The following ARHGAP10 variants were observed in gnomAD, a reference collection of about 807,000 sequenced individuals.
ARHGAP10 encodes the protein Rho GTPase activating protein 10.
ARHGAP10 carries 87 observed loss-of-function variants against 108.6 expected under a neutral mutation model. That is an observed-to-expected ratio of 0.80 (90% CI 0.67 to 0.96). The LOEUF (loss-of-function observed/expected upper bound fraction) is 0.96. Ranked by LOEUF, ARHGAP10 falls within the 40% of genes least tolerant of loss-of-function variation. ARHGAP10 has a pLI of 0.00. For synonymous variants in ARHGAP10, 347 were observed against 341.1 expected (o/e 1.02, Z -0.19); for missense variants, 939 against 954.5 (o/e 0.98, Z 0.21).
chr4:147,974,162 T>C (rs1340420937), intron 18 of ARHGAP10, among the ~76,000 whole-genome samples: 2 of 152,178 alleles, frequency 1.3e-5, no homozygotes, highest in Admixed American at 1.3e-4. Context: ...ACAGGGGTTC[T>C]CTTTTCTCTA....
chr4:147,862,451 C>A (rs1310003187), intron 5 of ARHGAP10: 1 of 152,558 alleles, frequency 6.6e-6, no homozygotes, highest in Non-Finnish European at 1.5e-5. Context: ...GCCCTGATAA[C>A]TCTGTAGAAG....
At chr4:147,962,265 G>T (rs1739027384) in intron 16 of ARHGAP10, among the ~76,000 whole-genome samples, 2 of 152,194 alleles carry the variant, frequency 1.3e-5, no homozygotes, top group Admixed American at 1.3e-4. Context: ...CTGCTAGTCT[G>T]CTGCTAAAAC....
At chr4:147,845,371 G>T (rs755667583) in intron 3 of ARHGAP10, among the ~76,000 whole-genome samples, 1 of 152,208 alleles carries the variant, frequency 6.6e-6, no homozygotes, top group East Asian at 1.9e-4. Context: ...TTTCCACGAA[G>T]GCAGGGGGCT....
intron 18 of ARHGAP10, among the ~76,000 whole-genome samples, chr4:148,015,807 C>T (rs1246545357): frequency 1.3e-5 from 2 of 152,184 alleles, no homozygotes; most frequent in Non-Finnish European, 1.5e-5. Context: ...TAACTATGCT[C>T]TTTTAGAAAG....
chr4:147,896,238 G>A (rs1031473457), intron 10 of ARHGAP10, among the ~76,000 whole-genome samples: 1 of 152,118 alleles, frequency 6.6e-6, no homozygotes, highest in Admixed American at 6.5e-5. Flanking sequence ...GAATTGGGAA[G>A]TTTTCCCTTC....
chr4:148,058,922 T>C (rs1284204284), intron 20 of ARHGAP10, among the ~76,000 whole-genome samples: 1 of 152,202 alleles, frequency 6.6e-6, no homozygotes, highest in Non-Finnish European at 1.5e-5. Flanking sequence ...ATGCATATTC[T>C]TTCCCTGCTT....
chr4:147,796,073 A>C (rs1358053372), intron 1 of ARHGAP10, among the ~76,000 whole-genome samples: 1 of 152,322 alleles, frequency 6.6e-6, no homozygotes, highest in East Asian at 1.9e-4. Context: ...AAACAGAAAT[A>C]GAAGACCTAG....
At chr4:147,859,962 A>AGGG (rs913857779) in intron 5 of ARHGAP10, among the ~76,000 whole-genome samples, 1 of 152,190 alleles carries the variant, frequency 6.6e-6, no homozygotes, top group Non-Finnish European at 1.5e-5. Flanking sequence ...AGCCCTTAAT[A>AGGG]GGGGGGATGC....
intron 3 of ARHGAP10, among the ~76,000 whole-genome samples, chr4:147,836,543 C>A (rs1733177103): frequency 1.3e-5 from 2 of 152,146 alleles, no homozygotes; most frequent in African/African-American, 4.8e-5. Flanking sequence ...TATTCAACAG[C>A]CATTTCCTAT....
At chr4:147,738,430 G>A (rs1267859595) in intron 1 of ARHGAP10, among the ~76,000 whole-genome samples, 1 of 152,130 alleles carries the variant, frequency 6.6e-6, no homozygotes, top group Non-Finnish European at 1.5e-5. Flanking sequence ...GAGGGCACCT[G>A]TAGTCCCAGC....
At chr4:147,911,653 C>T (rs547419525) in intron 12 of ARHGAP10, among the ~76,000 whole-genome samples, 3,376 of 151,970 alleles carry the variant, frequency 0.022, 55 homozygotes, top group African/African-American at 0.05. Context: ...TGAGCCACCG[C>T]GCCTGGCCTC....
intron 15 of ARHGAP10, among the ~76,000 whole-genome samples, chr4:147,954,785 G>A (rs1305411454): frequency 1.3e-5 from 2 of 151,824 alleles, no homozygotes; most frequent in East Asian, 3.8e-4. Context: ...AAAATGCTGT[G>A]TATATTTTTA....
chr4:147,877,121 G>A (rs1296428117), intron 8 of ARHGAP10, among the ~76,000 whole-genome samples: 4 of 152,172 alleles, frequency 2.6e-5, no homozygotes, highest in Admixed American at 2.0e-4. Context: ...GATATTTGGG[G>A]CCAGAGATTC....
intron 3 of ARHGAP10, among the ~76,000 whole-genome samples, chr4:147,836,716 A>C (rs1733184456): frequency 6.6e-6 from 1 of 152,302 alleles, no homozygotes; most frequent in Admixed American, 6.5e-5. Context: ...ATAAAATTGA[A>C]TTTCGTTTTT....
chr4:147,944,774 C>T (rs1251798380), intron 14 of ARHGAP10, among the ~76,000 whole-genome samples: 5 of 152,092 alleles, frequency 3.3e-5, no homozygotes. Flanking sequence ...CTTACTTTCT[C>T]CTTTGCATAG....
At chr4:147,890,583 T>G (rs987447900) in intron 10 of ARHGAP10, among the ~76,000 whole-genome samples, 2 of 152,162 alleles carry the variant, frequency 1.3e-5, no homozygotes, top group Admixed American at 6.5e-5. Flanking sequence ...TCCCAGCACT[T>G]TGGGAGGCCG....
chr4:147,781,911 G>A (rs1399408788), intron 1 of ARHGAP10, among the ~76,000 whole-genome samples: 1 of 151,940 alleles, frequency 6.6e-6, no homozygotes, highest in Non-Finnish European at 1.5e-5. Context: ...TAAACTCTAG[G>A]TATCTATTTT....
chr4:147,745,212 A>C, intron 1 of ARHGAP10: 1 of 152,280 alleles, frequency 6.6e-6, no homozygotes, highest in Non-Finnish European at 1.5e-5. Context: ...TAGGTGGCCA[A>C]GCAGAACTGG....
chr4:147,885,214 A>G (rs974606761), intron 10 of ARHGAP10, among the ~76,000 whole-genome samples: 1 of 152,202 alleles, frequency 6.6e-6, no homozygotes, highest in Non-Finnish European at 1.5e-5. Flanking sequence ...TCATACTGCT[A>G]TGAAGAAATA....
Sources: allele counts gnomAD v4.1 joint callset (sites outside exome capture counted in the v4.1 genomes callset), GRCh38; gene constraint gnomAD v4.1.1; transcripts MANE v1.5; gene names NCBI Gene and HGNC (gene_info 2026-07-23, HGNC 2026-07-21).